Variants in METTL21A observed in about 807,000 individuals in gnomAD.
METTL21A encodes the protein methyltransferase 21A, HSPA lysine.
A neutral mutation model predicts 20.9 loss-of-function variants in METTL21A; 22 were observed. The observed-to-expected ratio is 1.05, with a 90% confidence interval of 0.75 to 1.50. The LOEUF (loss-of-function observed/expected upper bound fraction) is 1.50. METTL21A is among the 40% of genes most tolerant of loss of function. METTL21A has a pLI of 0.00. For synonymous variants in METTL21A, 93 were observed against 102.0 expected (o/e 0.91, Z 0.53); for missense variants, 271 against 266.8 (o/e 1.02, Z -0.11).
intron 3 of METTL21A, among the ~76,000 whole-genome samples, chr2:207,615,430 G>C (rs2089563659): frequency 6.6e-6 from 1 of 151,794 alleles, no homozygotes; most frequent in East Asian, 1.9e-4. Flanking sequence ...AGGCGTGGTG[G>C]CTCACGCCTG....
At chr2:207,619,076 A>G (rs1293360812) in intron 3 of METTL21A, among the ~76,000 whole-genome samples, 1 of 152,086 alleles carries the variant, frequency 6.6e-6, no homozygotes, top group Non-Finnish European at 1.5e-5. Context: ...AAAGGGTGTA[A>G]TGCACAGTCC....
chr2:207,617,262 T>C (rs1170065096), intron 3 of METTL21A, among the ~76,000 whole-genome samples: 1 of 152,178 alleles, frequency 6.6e-6, no homozygotes, highest in East Asian at 1.9e-4. Context: ...AAAAGTCTCA[T>C]GTGGGAGAGA....
chr2:207,581,789 C>A (rs1307259031), exon 4 of METTL21A: 3 of 685,710 alleles, frequency 4.4e-6, no homozygotes, highest in Non-Finnish European at 7.9e-6. Flanking sequence ...AGTTTTTTTA[C>A]TTACATAATC....
At chr2:207,618,212 T>C (rs1358652609) in intron 3 of METTL21A, among the ~76,000 whole-genome samples, 58 of 152,156 alleles carry the variant, frequency 3.8e-4, no homozygotes, top group Non-Finnish European at 1.5e-5. Flanking sequence ...CCCATCCCAA[T>C]TTACAGAATC....
At chr2:207,594,246 A>G (rs1052290239) in intron 3 of METTL21A, among the ~76,000 whole-genome samples, 2 of 152,172 alleles carry the variant, frequency 1.3e-5, no homozygotes, top group Non-Finnish European at 2.9e-5. Flanking sequence ...ATATAACAAA[A>G]TTGACCATCT....
intron 3 of METTL21A, chr2:207,583,012 A>G (rs2083215717): frequency 6.5e-6 from 1 of 154,112 alleles, no homozygotes; most frequent in Non-Finnish European, 1.5e-5. Flanking sequence ...TGTTTTCCAT[A>G]GCCCACATTC....
chr2:207,605,665 T>C (rs911716966), downstream of METTL21A, among the ~76,000 whole-genome samples: 1 of 152,172 alleles, frequency 6.6e-6, no homozygotes, highest in African/African-American at 2.4e-5. Flanking sequence ...AAAAGGTAGG[T>C]ACAAACAGTG....
downstream of METTL21A, among the ~76,000 whole-genome samples, chr2:207,604,963 C>T (rs547072794): frequency 6.6e-6 from 1 of 152,018 alleles, no homozygotes; most frequent in African/African-American, 2.4e-5. Context: ...AGATATATAC[C>T]ACAAGTTTAT....
At chr2:207,596,534 A>G (rs2086201182) in intron 3 of METTL21A, among the ~76,000 whole-genome samples, 1 of 152,180 alleles carries the variant, frequency 6.6e-6, no homozygotes, top group Admixed American at 6.5e-5. Context: ...CCCAGGTTCA[A>G]GCGATGCCCA....
At chr2:207,614,243 A>T (rs1559114708) in intron 3 of METTL21A, among the ~76,000 whole-genome samples, 1 of 151,966 alleles carries the variant, frequency 6.6e-6, no homozygotes, top group Non-Finnish European at 1.5e-5. Context: ...TCTACAAATA[A>T]TTTTTTTTAA....
exon 4 of METTL21A, chr2:207,581,969 G>T: frequency 1.4e-6 from 1 of 701,892 alleles, no homozygotes; most frequent in Non-Finnish European, 2.6e-6. Flanking sequence ...TGAGATAATA[G>T]GTTTTGGGGA....
intron 3 of METTL21A, among the ~76,000 whole-genome samples, chr2:207,614,976 G>A (rs935734064): frequency 4.5e-4 from 68 of 152,290 alleles, no homozygotes; most frequent in African/African-American, 1.5e-3. Context: ...AGTGGCAGCT[G>A]ATACTCAGTG....
chr2:207,584,933 T>C (rs2106634465), intron 3 of METTL21A, among the ~76,000 whole-genome samples: 1 of 152,314 alleles, frequency 6.6e-6, no homozygotes, highest in Non-Finnish European at 1.5e-5. Context: ...AGGCCCATTT[T>C]ATCAGTTGTG....
chr2:207,621,507 T>C (rs1383923063), intron 3 of METTL21A, among the ~76,000 whole-genome samples: 1 of 152,164 alleles, frequency 6.6e-6, no homozygotes, highest in African/African-American at 2.4e-5. Flanking sequence ...ATCAACTCAC[T>C]TTAAGATCGT....
At position 207,624,312 on chromosome 2, in the gene METTL21A, C is replaced by G. The variant is rs777995851; in HGVS notation, c.64G>C (p.Ala22Pro). ...GTGTGGTTTGCAAAGGAAAAAGTTGCAAGAGGCTTGTGGAATTTCTGCAAC... is the reference window on the plus strand; with the variant it reads ...GTGTGGTTTGCAAAGGAAAAAGTTGGAAGAGGCTTGTGGAATTTCTGCAAC... The change falls in exon 2 of 4, where the codon GCA becomes CCA. Residue 22 changes from alanine (A) to proline (P), a missense_variant. Physicochemically the swap from Ala to Pro is conservative, Grantham distance 27. Transcript: ENST00000406927. The G allele has an allele frequency of 6.2e-6, 10 of 1,613,966 alleles. No homozygotes were observed. The South Asian group carries it at 9.9e-5, about 16-fold the overall frequency.
chr2:207,616,830 GA>G (rs911749167), intron 3 of METTL21A, among the ~76,000 whole-genome samples: 6 of 152,138 alleles, frequency 3.9e-5, no homozygotes, highest in Non-Finnish European at 1.5e-5. Flanking sequence ...CGACAAGAGC[GA>G]AACTCCCATC....
chr2:207,614,826 C>T (rs2089476468), intron 3 of METTL21A, among the ~76,000 whole-genome samples: 1 of 152,214 alleles, frequency 6.6e-6, no homozygotes, highest in Non-Finnish European at 1.5e-5. Flanking sequence ...CTCTTTACTT[C>T]TGACCCCAGA....
chr2:207,603,694 C>G (rs1019253107), intron 3 of METTL21A, among the ~76,000 whole-genome samples: 1 of 152,058 alleles, frequency 6.6e-6, no homozygotes, highest in African/African-American at 2.4e-5. Context: ...TGGAGACATA[C>G]GACCAGCTGT....
At chr2:207,598,740 A>T (rs1159305616) in intron 3 of METTL21A, 2 of 164,714 alleles carry the variant, frequency 1.2e-5, no homozygotes, top group Non-Finnish European at 2.6e-5. Flanking sequence ...CCAGCTACTC[A>T]GGAGGTTGAG....
Sources: gnomAD v4.1 joint callset for allele counts (sites outside exome capture counted in the v4.1 genomes callset) on GRCh38, gnomAD v4.1.1 for gene constraint, MANE v1.5 for transcripts, NCBI Gene and HGNC (gene_info 2026-07-23, HGNC 2026-07-21) for gene names.